The following ST3GAL6 variants were observed in gnomAD, a reference collection of about 807,000 sequenced individuals.
ST3GAL6 encodes the protein type 2 lactosamine alpha-2,3-sialyltransferase.
Under a neutral mutation model 40.5 loss-of-function variants are expected in ST3GAL6, and 31 were observed. That is an observed-to-expected ratio of 0.77 (90% CI 0.58 to 1.03). The LOEUF (loss-of-function observed/expected upper bound fraction) is 1.03. Among genes scored for constraint, ST3GAL6 ranks in the 50% least tolerant of loss-of-function variants. The pLI is 0.00. For missense variants in ST3GAL6, 357 were observed against 393.2 expected, an observed-to-expected ratio of 0.91 and a Z score of 0.78; for synonymous variants, 129 against 136.9, an observed-to-expected ratio of 0.94 and a Z score of 0.40.
intron 6 of ST3GAL6, 29 bp from the exon 7 acceptor site, chr3:98,788,007 A>G: frequency 2.5e-6 from 4 of 1,591,640 alleles, no homozygotes; most frequent in South Asian, 1.1e-5. Context: ...CACTTGGTCT[A>G]CATATCTTGT....
At chr3:98,776,452 G>A (rs1239658265) in intron 5 of ST3GAL6, among the ~76,000 whole-genome samples, 1 of 152,194 alleles carries the variant, frequency 6.6e-6, no homozygotes, top group African/African-American at 2.4e-5. Context: ...TGGCAGGAGA[G>A]TCCTCCCTGA....
upstream of ST3GAL6, among the ~76,000 whole-genome samples, chr3:98,759,573 T>C (rs191093873): frequency 8.5e-5 from 13 of 152,336 alleles, no homozygotes; most frequent in Admixed American, 2.6e-4. Context: ...ATTACCAACT[T>C]TGCTACTTAT....
upstream of ST3GAL6, among the ~76,000 whole-genome samples, chr3:98,759,388 A>G (rs2107383441): frequency 6.6e-6 from 1 of 152,320 alleles, no homozygotes; most frequent in Middle Eastern, 3.4e-3. Context: ...CTGGAACTGA[A>G]AACCGTAGAG....
At chr3:98,762,712 C>T (rs1937921350), upstream of ST3GAL6, 1 of 755,608 alleles carries the variant, frequency 1.3e-6, no homozygotes, top group South Asian at 6.0e-5. Flanking sequence ...TTTAACAGTT[C>T]ATACTCTTAA....
intron 1 of ST3GAL6, among the ~76,000 whole-genome samples, chr3:98,744,270 G>A (rs1936368903): frequency 2.0e-5 from 3 of 152,184 alleles, no homozygotes; most frequent in South Asian, 4.1e-4. Context: ...AATATCGGTT[G>A]TTCTAAGCTA....
chr3:98,769,203 T>C (rs1459130412), intron 2 of ST3GAL6, among the ~76,000 whole-genome samples: 1 of 152,242 alleles, frequency 6.6e-6, no homozygotes, highest in Non-Finnish European at 1.5e-5. Flanking sequence ...TAGTACATCT[T>C]AGATCATGTT....
intron 2 of ST3GAL6, 112 bp from the exon 3 acceptor site, chr3:98,770,767 T>A: frequency 1.2e-6 from 1 of 868,736 alleles, no homozygotes; most frequent in Non-Finnish European, 1.9e-6. Context: ...TATTTTTGTT[T>A]GCTGCCACAG....
At chr3:98,756,636 T>A in intron 1 of ST3GAL6, 2 of 1,027,814 alleles carry the variant, frequency 1.9e-6, no homozygotes, top group Non-Finnish European at 2.5e-6. Flanking sequence ...GTGGGTGATG[T>A]TAAAATCCCC....
At chr3:98,737,881 A>G (rs1935688573) in intron 1 of ST3GAL6, among the ~76,000 whole-genome samples, 1 of 152,188 alleles carries the variant, frequency 6.6e-6, no homozygotes, top group South Asian at 2.1e-4. Flanking sequence ...CAAAAACCAC[A>G]AAAGACAAAG....
intron 6 of ST3GAL6, among the ~76,000 whole-genome samples, chr3:98,785,577 A>G (rs896493936): frequency 6.6e-6 from 1 of 152,190 alleles, no homozygotes; most frequent in African/African-American, 2.4e-5. Context: ...AACCCAGTGA[A>G]GCTGGAAAGT....
intron 1 of ST3GAL6, among the ~76,000 whole-genome samples, 156 bp from the exon 2 acceptor site, chr3:98,768,274 G>A (rs1002566283): frequency 8.3e-5 from 11 of 132,654 alleles, no homozygotes; most frequent in East Asian, 4.6e-4. Context: ...CTTTCTGCAC[G>A]TTTAGTGAGT....
intron 4 of ST3GAL6, chr3:98,773,236 G>A (rs1326481926): frequency 5.9e-6 from 1 of 168,808 alleles, no homozygotes; most frequent in African/African-American, 2.4e-5. Context: ...AGGAAAACCT[G>A]AGGGTTAGCT....
chr3:98,766,803 A>G (rs971740322), intron 1 of ST3GAL6, among the ~76,000 whole-genome samples: 2 of 152,162 alleles, frequency 1.3e-5, no homozygotes, highest in African/African-American at 4.8e-5. Context: ...GCCCATGGTA[A>G]ACTGCCTTCC....
At chr3:98,770,762 T>G in intron 2 of ST3GAL6, 117 bp from the exon 3 acceptor site, 1 of 813,136 alleles carries the variant, frequency 1.2e-6, no homozygotes, top group South Asian at 1.5e-5. Flanking sequence ...GGGAGTATTT[T>G]TGTTTGCTGC....
chr3:98,771,665 G>GT (rs1037177416), intron 3 of ST3GAL6, among the ~76,000 whole-genome samples: 1 of 151,986 alleles, frequency 6.6e-6, no homozygotes, highest in Non-Finnish European at 1.5e-5. Flanking sequence ...TGTTATTACT[G>GT]TTTTTTAACT....
At chr3:98,783,624 CT>C in intron 5 of ST3GAL6, 1 of 985,266 alleles carries the variant, frequency 1.0e-6, no homozygotes, top group Non-Finnish European at 1.2e-6. Flanking sequence ...ACAGACCCTT[CT>C]GGAACCTACT....
intron 6 of ST3GAL6, among the ~76,000 whole-genome samples, chr3:98,786,642 T>C (rs933447946): frequency 6.6e-6 from 1 of 151,678 alleles, no homozygotes; most frequent in Non-Finnish European, 1.5e-5. Context: ...CAAAGAGGAG[T>C]TGAGAAATCA....
intron 5 of ST3GAL6, chr3:98,782,243 T>C (rs1390806864): frequency 4.3e-6 from 3 of 703,306 alleles, no homozygotes; most frequent in South Asian, 1.5e-5. Context: ...TTCCGCCTGC[T>C]GGACAGCAAG....
intron 1 of ST3GAL6, 58 bp downstream of exon 1, chr3:98,763,497 C>T (rs1938004270): frequency 3.9e-6 from 5 of 1,282,240 alleles, no homozygotes; most frequent in Non-Finnish European, 5.1e-6. Context: ...AATCTAGATG[C>T]TGCTGAGATA....
Sources: gnomAD v4.1 joint callset for allele counts (sites outside exome capture counted in the v4.1 genomes callset) on GRCh38, gnomAD v4.1.1 for gene constraint, MANE v1.5 for transcripts, NCBI Gene and HGNC (gene_info 2026-07-23, HGNC 2026-07-21) for gene names.